The following AHCYL1 variants were observed in gnomAD, a reference collection of about 807,000 sequenced individuals.
AHCYL1 encodes adenosylhomocysteinase like 1, also known as S-adenosylhomocysteine hydrolase-like protein 1.
In AHCYL1, 20 loss-of-function variants were observed where a neutral mutation model predicts 79.3. That is an observed-to-expected ratio of 0.25 (90% CI 0.18 to 0.37). The LOEUF (loss-of-function observed/expected upper bound fraction) is 0.37. AHCYL1 is among the 10% of genes least tolerant of loss of function. The pLI is 1.00. For missense variants in AHCYL1, 330 were observed against 673.6 expected (o/e 0.49, Z 5.65); for synonymous variants, 223 against 242.2 (o/e 0.92, Z 0.74).
In AHCYL1 at chr1:109,984,922, A is replaced by G; in HGVS notation, c.-131A>G. The G allele has an allele frequency of 7.7e-7, 1 of 1,301,906 alleles. No individual in the cohort carries two copies. Among genetic ancestry groups the G allele is most frequent in the Non-Finnish European group, 9.8e-7 (1 of 1,021,692 alleles). The allele number at this position is 1,301,906 out of a possible 1,614,324, so 80.6% of individuals were successfully genotyped here. Reference sequence around the variant, plus strand: ...GCCACAGCACCTCAGAAGCCGACGCAGCTCGACGCAGGGGCCGGCAGGAGG... The same window carrying G: ...GCCACAGCACCTCAGAAGCCGACGCGGCTCGACGCAGGGGCCGGCAGGAGG... On this transcript the variant is annotated 5_prime_UTR_variant, in exon 1 of 17. Transcript: ENST00000369799.
intron 2 of AHCYL1, 123 bp downstream of exon 2, chr1:110,009,268 T>A: frequency 1.2e-6 from 1 of 816,702 alleles, no homozygotes; most frequent in Non-Finnish European, 1.9e-6. Flanking sequence ...TGAAAACTGT[T>A]AGTGGCTGGG....
rs1000016253 is a variant in AHCYL1, at chr1:110,023,208, A to G, written c.*1528A>G. On this transcript the variant is annotated 3_prime_UTR_variant, in exon 17 of 17. Transcript: ENST00000369799. ...AGAGACAGACATTAAAAACAAAAAT[A>G]GAAGAAAGGAAAGCTTTCACCCTGC... 2.6e-5 allele frequency: 4 copies of G among 152,662 alleles called. No homozygotes were observed. Among genetic ancestry groups the G allele is most frequent in the Non-Finnish European group, 5.9e-5 (4 of 68,042 alleles). The allele number at this position is 152,662 out of a possible 1,614,324, so 9.5% of individuals were successfully genotyped here.
intron 1 of AHCYL1, among the ~76,000 whole-genome samples, chr1:110,007,642 T>A (rs1650741001): frequency 6.6e-6 from 1 of 152,212 alleles, no homozygotes; most frequent in Non-Finnish European, 1.5e-5. Flanking sequence ...GCTGTAACCA[T>A]GTTGCCAGTA....
chr1:110,016,810 T>C, intron 9 of AHCYL1, 80 bp downstream of exon 9: 1 of 1,534,508 alleles, frequency 6.5e-7, no homozygotes, highest in Non-Finnish European at 8.9e-7. Context: ...GTGCTGTCAA[T>C]CTAGAGTCAC....
At chr1:110,017,016 A>C (rs751322036) in intron 9 of AHCYL1, among the ~76,000 whole-genome samples, 2 of 152,214 alleles carry the variant, frequency 1.3e-5, no homozygotes, top group Non-Finnish European at 2.9e-5. Flanking sequence ...AAGTGAATAT[A>C]TAGCATTTTA....
intron 1 of AHCYL1, among the ~76,000 whole-genome samples, chr1:110,005,485 G>C (rs1650588681): frequency 6.6e-6 from 1 of 152,216 alleles, no homozygotes; most frequent in Non-Finnish European, 1.5e-5. Context: ...AAGGGACCGT[G>C]TTTCCTTGCA....
chr1:109,985,267 G>A, intron 1 of AHCYL1, 95 bp downstream of exon 1: 1 of 1,476,356 alleles, frequency 6.8e-7, no homozygotes, highest in Non-Finnish European at 9.0e-7. Flanking sequence ...GGACTTCTGG[G>A]GGTGACTGGG....
chr1:110,021,933 A>T lies in AHCYL1; in HGVS notation c.*253A>T. On this transcript the variant is annotated 3_prime_UTR_variant, in exon 17 of 17. Transcript: ENST00000369799. ...AGGATTTTACTCTCCCAGCCCAGAA[A>T]GGTGATTCTTTCTTTACCATTTCTG... The T allele has an allele frequency of 2.2e-6, 1 of 445,312 alleles. No homozygotes were observed. Among genetic ancestry groups the T allele is most frequent in the Non-Finnish European group, 3.9e-6 (1 of 253,628 alleles). The allele number at this position is 445,312 out of a possible 1,614,324, so 27.6% of individuals were successfully genotyped here. A position where few individuals can be genotyped will look rare whatever the true frequency, so the allele number is the denominator to read the frequency against.
rs1651917062 is a variant in AHCYL1, at chr1:110,023,390, C to T, written c.*1710C>T. On this transcript the variant is annotated 3_prime_UTR_variant, in exon 17 of 17. Transcript: ENST00000369799. ...GGCCTATTTTCCTCGGGCACTTAAC[C>T]AACCAATCAGAACACCACATCTGTT... is the stretch of plus-strand genomic sequence containing the variant. 1 of 152,460 alleles carries T rather than the reference C, an allele frequency of 6.6e-6. No homozygotes were observed. The highest frequency in any genetic ancestry group is 1.5e-5 in the Non-Finnish European group (1 of 67,996). The allele number at this position is 152,460 out of a possible 1,614,324, so 9.4% of individuals were successfully genotyped here.
At chr1:110,018,705 T>G in intron 13 of AHCYL1, 55 bp downstream of exon 13, 2 of 1,456,736 alleles carry the variant, frequency 1.4e-6, no homozygotes, top group Non-Finnish European at 1.9e-6. Flanking sequence ...GTTAGATCTA[T>G]GAGGGGGGAG....
intron 1 of AHCYL1, among the ~76,000 whole-genome samples, chr1:109,986,811 G>A (rs1649493123): frequency 6.6e-6 from 1 of 152,156 alleles, no homozygotes; most frequent in Non-Finnish European, 1.5e-5. Flanking sequence ...GCCTAGCTTT[G>A]TACCCAGCAT....
At chr1:110,003,856 T>C (rs917026047) in intron 1 of AHCYL1, 16 of 913,846 alleles carry the variant, frequency 1.8e-5, no homozygotes, top group Admixed American at 6.2e-5. Context: ...TAACTTCTTA[T>C]GTTTACTTCT....
Position 110,009,789 on chromosome 1 carries a change from A to G in AHCYL1, c.232+644A>G, listed in dbSNP as rs77553027. Reference sequence around the variant, plus strand: ...CTTTCCCAACTATAGAGCATGTATTAGAAAATTAGCATGGAAAAGAATATA... The same window carrying G: ...CTTTCCCAACTATAGAGCATGTATTGGAAAATTAGCATGGAAAAGAATATA... On this transcript the variant is annotated intron_variant, in intron 2 of 16. Coordinates refer to ENST00000369799, the MANE Select transcript of AHCYL1 (RefSeq NM_006621.7). Among the ~76,000 whole-genome samples the G allele has an allele frequency of 1.4e-3, 214 of 152,358 alleles. 3 individuals carry two copies. In the East Asian group the frequency reaches 0.037, roughly 26 times the overall value.
At chr1:110,019,652 T>C (rs375375935) in intron 15 of AHCYL1, 26 bp downstream of exon 15, 2 of 1,586,064 alleles carry the variant, frequency 1.3e-6, no homozygotes, top group African/African-American at 2.7e-5. Flanking sequence ...TGGAAATCTA[T>C]GCAGACAGCT....
intron 7 of AHCYL1, among the ~76,000 whole-genome samples, chr1:110,016,133 T>C (rs991112016): frequency 5.3e-5 from 8 of 151,870 alleles, no homozygotes; most frequent in Admixed American, 6.6e-5. Context: ...CTTTTTTTTT[T>C]CTTCCAAAAA....
intron 1 of AHCYL1, among the ~76,000 whole-genome samples, chr1:109,994,713 T>G (rs1212239358): frequency 1.3e-5 from 2 of 152,230 alleles, no homozygotes; most frequent in Non-Finnish European, 2.9e-5. Flanking sequence ...ATTCAATACT[T>G]GAGGGTTCAG....
intron 5 of AHCYL1, among the ~76,000 whole-genome samples, chr1:110,014,107 CT>C (rs1651253168): frequency 6.6e-6 from 1 of 152,140 alleles, no homozygotes; most frequent in Non-Finnish European, 1.5e-5. Context: ...AGCCGGACCT[CT>C]CATCTTTTTA....
chr1:110,018,978 C>T lies in AHCYL1; in HGVS notation c.1318-73C>T. 2.8e-6 allele frequency: 4 copies of T among 1,439,058 alleles called. No homozygotes were observed. In the South Asian group the frequency reaches 3.4e-5, roughly 12 times the overall value. 89.1% of individuals were successfully genotyped at this position (1,439,058 alleles called of 1,614,324 possible). A position where few individuals can be genotyped will look rare whatever the true frequency, so the allele number is the denominator to read the frequency against. On this transcript the variant is annotated intron_variant, in intron 13 of 16. Coordinates refer to ENST00000369799, the MANE Select transcript of AHCYL1 (RefSeq NM_006621.7). ...TCTAGAGGGGTGTAAAGTCCTCTCC[C>T]GCTTTGGCTTGACTTGTATGCCATT...
At chr1:110,004,162 G>A (rs916888830) in intron 1 of AHCYL1, 2 of 985,432 alleles carry the variant, frequency 2.0e-6, no homozygotes, top group African/African-American at 3.5e-5. Context: ...TTCTAGCTGT[G>A]TGTGTGTTAT....
Sources: gnomAD v4.1 joint callset for allele counts (sites outside exome capture counted in the v4.1 genomes callset) on GRCh38, gnomAD v4.1.1 for gene constraint, MANE v1.5 for transcripts, NCBI Gene and HGNC (gene_info 2026-07-23, HGNC 2026-07-21) for gene names.